The following CALN1 variants were observed in gnomAD, a reference collection of about 807,000 sequenced individuals.
CALN1 encodes the protein calcium-binding protein 8.
A neutral mutation model predicts 30.6 loss-of-function variants in CALN1; 17 were observed. That is an observed-to-expected ratio of 0.56 (90% confidence interval 0.38 to 0.83). The LOEUF (loss-of-function observed/expected upper bound fraction) is 0.83, where lower values mean the gene tolerates loss of function less well. Among genes scored for constraint, CALN1 ranks in the 40% least tolerant of loss-of-function variants. The probability of loss-of-function intolerance (pLI) is 0.00; values close to 1 mark genes in which losing one functional copy is unlikely to be tolerated. For synonymous variants in CALN1, 156 were observed against 131.4 expected (o/e 1.19, Z -1.28); for missense variants, 291 against 354.9 (o/e 0.82, Z 1.45).
chr7:72,382,838 G>A (rs1335673647), intron 2 of CALN1, among the ~76,000 whole-genome samples: 1 of 152,194 alleles, frequency 6.6e-6, no homozygotes, highest in Non-Finnish European at 1.5e-5. Context: ...TGCCAGGCTG[G>A]AGTGCAGGAG....
chr7:72,288,832 C>A (rs561824390), intron 2 of CALN1, among the ~76,000 whole-genome samples: 1 of 152,206 alleles, frequency 6.6e-6, no homozygotes, highest in East Asian at 1.9e-4. Flanking sequence ...TATTTTTAAC[C>A]CCTTTTCCCC....
At chr7:72,430,965 T>A (rs1010744659) in intron 1 of CALN1, among the ~76,000 whole-genome samples, 1 of 84,014 alleles carries the variant, frequency 1.2e-5, no homozygotes, top group African/African-American at 5.4e-5. Context: ...AGCCAAGCTA[T>A]TTTTTTTTTT....
intron 1 of CALN1, among the ~76,000 whole-genome samples, chr7:72,428,353 A>G (rs1807862280): frequency 6.6e-6 from 1 of 152,010 alleles, no homozygotes; most frequent in Non-Finnish European, 1.5e-5. Context: ...TGGAAGTGAG[A>G]AAGGCACAGA....
chr7:71,960,688 T>C (rs188456318), intron 5 of CALN1, among the ~76,000 whole-genome samples: 59 of 152,332 alleles, frequency 3.9e-4, no homozygotes, highest in African/African-American at 1.2e-3. Context: ...GGTAGTGGGA[T>C]TGCTGGATTG....
intron 1 of CALN1, among the ~76,000 whole-genome samples, chr7:72,407,266 T>TA (rs1806763165): frequency 6.6e-6 from 1 of 152,190 alleles, no homozygotes; most frequent in Non-Finnish European, 1.5e-5. Context: ...ATGAACCTGA[T>TA]AATAACACCT....
intron 5 of CALN1, among the ~76,000 whole-genome samples, chr7:71,899,125 C>T: frequency 6.6e-6 from 1 of 151,274 alleles, no homozygotes; most frequent in Non-Finnish European, 1.5e-5. Flanking sequence ...ACTCTCCCTC[C>T]CAGGCCCCTG....
At chr7:72,005,486 G>T (rs1799723319) in intron 5 of CALN1, among the ~76,000 whole-genome samples, 1 of 151,926 alleles carries the variant, frequency 6.6e-6, no homozygotes, top group East Asian at 1.9e-4. Flanking sequence ...ACACCACCAT[G>T]CCCAGCTAAC....
intron 1 of CALN1, among the ~76,000 whole-genome samples, chr7:72,427,291 G>A (rs1253290655): frequency 6.6e-6 from 1 of 151,834 alleles, no homozygotes; most frequent in Non-Finnish European, 1.5e-5. Context: ...CCTGCCCTTT[G>A]AGAACCAAAA....
At position 71,876,839 on chromosome 7, in the gene CALN1, A is replaced by G. The variant is rs1792274191; in HGVS notation, c.502-66347T>C. On this transcript the variant is annotated intron_variant, in intron 5 of 6. Coordinates refer to ENST00000395275, the MANE Select transcript of CALN1 (RefSeq NM_031468.4). ...ACAGAAACTAATGCTCCGACCCACC[A>G]CATTATTACTGTTATCAATGATTAC... is the stretch of plus-strand genomic sequence containing the variant. Among the ~76,000 whole-genome samples the G allele has an allele frequency of 3.9e-5, 6 of 152,298 alleles. No homozygotes were observed. In the South Asian group the frequency reaches 1.2e-3, roughly 32 times the overall value.
intron 5 of CALN1, among the ~76,000 whole-genome samples, chr7:71,815,656 A>C (rs1245875515): frequency 6.6e-6 from 1 of 152,082 alleles, no homozygotes; most frequent in Non-Finnish European, 1.5e-5. Context: ...GTTACTCTGC[A>C]CTATGAGGAA....
intron 5 of CALN1, among the ~76,000 whole-genome samples, chr7:71,982,432 T>C (rs1359269679): frequency 6.6e-6 from 1 of 152,064 alleles, no homozygotes; most frequent in Non-Finnish European, 1.5e-5. Context: ...CTGTCTCTAC[T>C]AAAAATATAA....
chr7:72,298,819 G>T (rs1799044386), intron 2 of CALN1, among the ~76,000 whole-genome samples: 2 of 143,906 alleles, frequency 1.4e-5, no homozygotes, highest in Admixed American at 7.0e-5. Context: ...AAAAAAAAAA[G>T]AGGGGAGGGG....
At chr7:72,142,224 C>T (rs972127677) in intron 3 of CALN1, among the ~76,000 whole-genome samples, 3 of 152,160 alleles carry the variant, frequency 2.0e-5, no homozygotes, top group African/African-American at 7.2e-5. Flanking sequence ...CCTTCCTAGC[C>T]AAGGGAAGAA....
At chr7:72,206,490 CTT>C (rs1415873588) in intron 3 of CALN1, among the ~76,000 whole-genome samples, 6 of 152,156 alleles carry the variant, frequency 3.9e-5, no homozygotes, top group African/African-American at 1.4e-4. Flanking sequence ...TGCTTCTACT[CTT>C]TGAAATTTTG....
chr7:72,400,768 G>A (rs1806286523), intron 2 of CALN1, among the ~76,000 whole-genome samples: 1 of 152,106 alleles, frequency 6.6e-6, no homozygotes, highest in African/African-American at 2.4e-5. Flanking sequence ...CTGCACCTCT[G>A]GCCTTAGATT....
At chr7:72,289,091 T>G (rs2129554736) in intron 2 of CALN1, among the ~76,000 whole-genome samples, 1 of 152,376 alleles carries the variant, frequency 6.6e-6, no homozygotes, top group South Asian at 2.1e-4. Context: ...GAATTATAAA[T>G]TAATGATTTC....
At chr7:72,107,848 C>A (rs1485537788) in intron 3 of CALN1, among the ~76,000 whole-genome samples, 1 of 152,194 alleles carries the variant, frequency 6.6e-6, no homozygotes, top group Admixed American at 6.5e-5. Flanking sequence ...GGTTCTCCCA[C>A]TCAGCTCGAC....
At chr7:72,114,064 C>T (rs1013214409) in intron 3 of CALN1, among the ~76,000 whole-genome samples, 1 of 151,366 alleles carries the variant, frequency 6.6e-6, no homozygotes, top group Non-Finnish European at 1.5e-5. Context: ...ATGTCAGAGT[C>T]TGGGAGAGGG....
chr7:72,126,328 G>T (rs1268370916), intron 3 of CALN1, among the ~76,000 whole-genome samples: 1 of 152,024 alleles, frequency 6.6e-6, no homozygotes, highest in East Asian at 1.9e-4. Flanking sequence ...GGGCTTTTAG[G>T]TTGGTTCCAT....
Sources: allele counts gnomAD v4.1 joint callset (sites outside exome capture counted in the v4.1 genomes callset), GRCh38; gene constraint gnomAD v4.1.1; transcripts MANE v1.5; gene names NCBI Gene and HGNC (gene_info 2026-07-23, HGNC 2026-07-21).